Variants in LRRCC1 observed in about 807,000 individuals in gnomAD.
LRRCC1 encodes the protein leucine-rich repeat and coiled-coil domain-containing protein 1.
In LRRCC1, 115 loss-of-function variants were observed where a neutral mutation model predicts 126.0. That is an observed-to-expected ratio of 0.91 (90% confidence interval 0.78 to 1.07). The LOEUF is 1.07. Among genes scored for constraint, LRRCC1 ranks in the 50% least tolerant of loss-of-function variants. The pLI is 0.00. For synonymous variants in LRRCC1, 400 were observed against 393.4 expected, an observed-to-expected ratio of 1.02 and a Z score of -0.20; for missense variants, 1,172 against 1,175.7, an observed-to-expected ratio of 1.00 and a Z score of 0.05.
At chr8:85,142,667 TA>T in intron 18 of LRRCC1, among the ~76,000 whole-genome samples, 1 of 151,716 alleles carries the variant, frequency 6.6e-6, no homozygotes, top group African/African-American at 2.4e-5. Flanking sequence ...CCATCTCCAC[TA>T]AAAATACAAA....
chr8:85,139,061 A>C (rs899900415), intron 17 of LRRCC1, among the ~76,000 whole-genome samples: 15 of 152,156 alleles, frequency 9.9e-5, no homozygotes, highest in Middle Eastern at 3.2e-3. Flanking sequence ...AGAAAAAAAA[A>C]AGAATTGCTA....
chr8:85,126,877 T>C (rs1363640713), intron 9 of LRRCC1, 40 bp downstream of exon 9: 1 of 1,517,428 alleles, frequency 6.6e-7, no homozygotes, highest in Non-Finnish European at 8.9e-7. Context: ...CCTCATAGCA[T>C]AAACAATACT....
chr8:85,121,734 A>T (rs1035514173), intron 6 of LRRCC1, among the ~76,000 whole-genome samples: 1 of 152,092 alleles, frequency 6.6e-6, no homozygotes, highest in African/African-American at 2.4e-5. Flanking sequence ...TTTAATTCAT[A>T]TGTTGGTTTT....
At chr8:85,131,148 T>C (rs1345464705) in intron 11 of LRRCC1, among the ~76,000 whole-genome samples, 1 of 152,198 alleles carries the variant, frequency 6.6e-6, no homozygotes, top group Non-Finnish European at 1.5e-5. Context: ...TTATAAAAGA[T>C]TGGGGGAAAA....
Position 85,145,464 on chromosome 8 carries a change from A to G in LRRCC1, c.3052A>G (p.Ile1018Val). 1.3e-6 allele frequency: 2 copies of G among 1,583,822 alleles called. No individual in the cohort carries two copies. The highest frequency in any genetic ancestry group is 1.7e-6 in the Non-Finnish European group (2 of 1,169,714). ...GAACAAAAAAACAATGGAAGCAAAAATTAAGCAACTTGCTTTTGCTTTAAA... is the reference window on the plus strand; with the variant it reads ...GAACAAAAAAACAATGGAAGCAAAAGTTAAGCAACTTGCTTTTGCTTTAAA... ...CKNKKTMEAK[I>V]KQLAFALNEI... The change falls in exon 19 of 19, where the codon ATT (isoleucine) becomes GTT (valine). Residue 1018 changes from isoleucine (I) to valine (V), a missense_variant. Physicochemically the swap from Ile to Val is conservative, Grantham distance 29. Transcript: ENST00000360375.
intron 18 of LRRCC1, 82 bp downstream of exon 18, chr8:85,141,599 G>A: frequency 9.3e-7 from 1 of 1,076,884 alleles, no homozygotes; most frequent in African/African-American, 1.6e-5. Flanking sequence ...GAATTATAAA[G>A]AGAAAAGGCA....
chr8:85,129,453 A>G, intron 10 of LRRCC1, 74 bp downstream of exon 10: 1 of 1,275,738 alleles, frequency 7.8e-7, no homozygotes, highest in Non-Finnish European at 1.1e-6. Flanking sequence ...AACAAATTAT[A>G]CTACCTAGAA....
Position 85,134,984 on chromosome 8 carries a change from A to G in LRRCC1, c.2106A>G (p.Lys702=). 1 of 1,555,914 alleles carries G rather than the reference A, an allele frequency of 6.4e-7. No homozygotes were observed. The highest frequency in any genetic ancestry group is 8.6e-7 in the Non-Finnish European group (1 of 1,161,926). ...LTCMVKEQKT[K]LAEVSKLKQE... Reference sequence around the variant, plus strand: ...GTATGGTAAAGGAACAAAAAACAAAACTGGCAGAAGTTTCTAAATTGAAAC... The same window carrying G: ...GTATGGTAAAGGAACAAAAAACAAAGCTGGCAGAAGTTTCTAAATTGAAAC... The change falls in exon 13 of 19, where the codon AAA becomes AAG. Residue 702 remains lysine, a synonymous_variant. Coordinates refer to ENST00000360375, the MANE Select transcript of LRRCC1 (RefSeq NM_033402.5).
At chr8:85,107,473 A>C in intron 1 of LRRCC1, 74 bp downstream of exon 1, 2 of 1,304,708 alleles carry the variant, frequency 1.5e-6, no homozygotes, top group Non-Finnish European at 1.1e-6. Flanking sequence ...TGGCGGCGAC[A>C]CCAGAGTGGA....
intron 3 of LRRCC1, 82 bp from the exon 4 acceptor site, chr8:85,112,850 A>G: frequency 9.6e-7 from 1 of 1,037,344 alleles, no homozygotes; most frequent in Admixed American, 2.8e-5. Flanking sequence ...CTCTAAAAGT[A>G]TAACCTATCT....
intron 18 of LRRCC1, among the ~76,000 whole-genome samples, chr8:85,142,866 A>G (rs952007255): frequency 6.6e-6 from 1 of 151,508 alleles, no homozygotes; most frequent in Non-Finnish European, 1.5e-5. Context: ...AAGAAAAATT[A>G]TAATCAAGGT....
At chr8:85,125,533 C>T (rs896674080) in intron 8 of LRRCC1, among the ~76,000 whole-genome samples, 6 of 148,970 alleles carry the variant, frequency 4.0e-5, no homozygotes, top group African/African-American at 1.2e-4. Context: ...ATTAGCCGGG[C>T]GTAGTGGCGG....
intron 17 of LRRCC1, among the ~76,000 whole-genome samples, chr8:85,140,813 A>G (rs1010299214): frequency 6.6e-6 from 1 of 152,192 alleles, no homozygotes; most frequent in African/African-American, 2.4e-5. Flanking sequence ...CTGTAATCCC[A>G]GTACTTTGGG....
intron 14 of LRRCC1, among the ~76,000 whole-genome samples, chr8:85,136,428 C>G (rs759052391): frequency 7.9e-5 from 12 of 152,032 alleles, no homozygotes; most frequent in Non-Finnish European, 1.3e-4. Context: ...CCATGTGCCG[C>G]CACACCTGGC....
In LRRCC1 at chr8:85,126,691, C is replaced by A; in HGVS notation, c.1275C>A (p.Ser425=). The A allele has an allele frequency of 6.2e-7, 1 of 1,605,728 alleles. No homozygotes were observed. Among genetic ancestry groups the A allele is most frequent in the Non-Finnish European group, 8.5e-7 (1 of 1,177,518 alleles). ...QSHSEDNTYQ[S]LVEQLDQERE... ...ATAACTTTGTTGTTTTCTTTCAGTC[C>A]CTTGTTGAACAGCTAGACCAAGAGA... The change falls in exon 9 of 19, where the codon TCC becomes TCA. Residue 425 remains serine, a splice_region_variant and synonymous_variant. Coordinates refer to ENST00000360375, the MANE Select transcript of LRRCC1 (RefSeq NM_033402.5).
At chr8:85,107,698 G>T in intron 1 of LRRCC1, 1 of 254,978 alleles carries the variant, frequency 3.9e-6, no homozygotes. Context: ...CTTTCCTTCT[G>T]CTGGTTTTCC....
chr8:85,126,080 G>A (rs1475799472), intron 8 of LRRCC1, among the ~76,000 whole-genome samples: 1 of 152,038 alleles, frequency 6.6e-6, no homozygotes, highest in Non-Finnish European at 1.5e-5. Flanking sequence ...TCCCTTGCGT[G>A]CCTTGGTAAG....
chr8:85,113,521 CACAT>C (rs1228764247), intron 4 of LRRCC1, among the ~76,000 whole-genome samples: 2 of 152,022 alleles, frequency 1.3e-5, no homozygotes, highest in South Asian at 2.1e-4. Flanking sequence ...AAGGGTAACA[CACAT>C]ACACAAACAT....
At position 85,138,451 on chromosome 8, in the gene LRRCC1, G is replaced by C; in HGVS notation, c.2816G>C (p.Arg939Thr). The change falls in exon 17 of 19, where the codon AGA (arginine) becomes ACA (threonine). Residue 939 changes from arginine to threonine, a missense_variant. By Grantham distance (71) the Arg-to-Thr change is moderately conservative. Transcript: ENST00000360375. ...ENKEKKLKAE[R>T]DKSIELQKNA... ...AAGGAAAAGAAACTTAAAGCGGAAA[G>C]AGACAAAAGTATTGAACTACAAAAG... The C allele has an allele frequency of 1.9e-6, 3 of 1,611,334 alleles. No homozygotes were observed. The highest frequency in any genetic ancestry group is 2.5e-6 in the Non-Finnish European group (3 of 1,179,256).
Sources: allele counts gnomAD v4.1 joint callset (sites outside exome capture counted in the v4.1 genomes callset), GRCh38; gene constraint gnomAD v4.1.1; transcripts MANE v1.5; gene names NCBI Gene and HGNC (gene_info 2026-07-23, HGNC 2026-07-21).